Variants in SLC38A9 observed in about 807,000 individuals in gnomAD.
SLC38A9 encodes the protein solute carrier family 38 member 9.
Under a neutral mutation model 62.3 loss-of-function variants are expected in SLC38A9, and 48 were observed. The observed-to-expected ratio is 0.77, with a 90% CI of 0.61 to 0.98. The LOEUF (loss-of-function observed/expected upper bound fraction) is 0.98, where lower values mean the gene tolerates loss of function less well. Ranked by LOEUF, SLC38A9 falls within the 50% of genes least tolerant of loss-of-function variation. The probability of loss-of-function intolerance (pLI) is 0.00; values close to 1 mark genes in which losing one functional copy is unlikely to be tolerated. For missense variants in SLC38A9, 541 were observed against 679.8 expected, an observed-to-expected ratio of 0.80 and a Z score of 2.27; for synonymous variants, 204 against 227.7, an observed-to-expected ratio of 0.90 and a Z score of 0.94.
At chr5:55,711,967 C>A (rs879672638) in intron 1 of SLC38A9, among the ~76,000 whole-genome samples, 9 of 152,178 alleles carry the variant, frequency 5.9e-5, no homozygotes, top group Non-Finnish European at 8.8e-5. Flanking sequence ...TTCCTCAGAC[C>A]CCGAGGGACT....
At chr5:55,648,585 A>AC (rs1746803699) in intron 11 of SLC38A9, among the ~76,000 whole-genome samples, 1 of 152,324 alleles carries the variant, frequency 6.6e-6, no homozygotes, top group South Asian at 2.1e-4. Context: ...CATATTTGGA[A>AC]TGTGTAAAGA....
intron 3 of SLC38A9, chr5:55,673,179 T>C (rs1388497157): frequency 6.5e-6 from 1 of 154,766 alleles, no homozygotes; most frequent in African/African-American, 2.4e-5. Context: ...GGTTCATGTA[T>C]TAAGGATTAG....
intron 3 of SLC38A9, among the ~76,000 whole-genome samples, chr5:55,681,944 G>A (rs1413309571): frequency 1.3e-5 from 2 of 152,106 alleles, no homozygotes; most frequent in East Asian, 1.9e-4. Flanking sequence ...AGTTGAGTCC[G>A]TATGCCCACA....
chr5:55,704,987 A>G (rs1205178246), intron 2 of SLC38A9, among the ~76,000 whole-genome samples: 1 of 152,258 alleles, frequency 6.6e-6, no homozygotes, highest in Non-Finnish European at 1.5e-5. Context: ...TTCAACAAAC[A>G]TAGCTATCAC....
chr5:55,690,079 T>A (rs4865972), intron 3 of SLC38A9, among the ~76,000 whole-genome samples: 123,380 of 152,042 alleles, frequency 0.81, 50,124 homozygotes, highest in East Asian at 0.91. Flanking sequence ...AATGAATTTG[T>A]AAGAATAAAA....
At chr5:55,679,425 T>C (rs1489747057) in intron 3 of SLC38A9, among the ~76,000 whole-genome samples, 1 of 152,146 alleles carries the variant, frequency 6.6e-6, no homozygotes, top group Non-Finnish European at 1.5e-5. Context: ...GGCCCATGTA[T>C]TTTATTACAG....
chr5:55,644,023 C>G (rs1055406867), intron 12 of SLC38A9, among the ~76,000 whole-genome samples: 4 of 152,028 alleles, frequency 2.6e-5, no homozygotes, highest in African/African-American at 9.6e-5. Context: ...TGCAGTGGCA[C>G]GATCTCTGCT....
intron 2 of SLC38A9, among the ~76,000 whole-genome samples, chr5:55,700,441 G>T (rs906159703): frequency 6.6e-6 from 1 of 151,508 alleles, no homozygotes; most frequent in East Asian, 1.9e-4. Context: ...ATGTCCAAAG[G>T]TCCTTATGTT....
intron 10 of SLC38A9, 132 bp from the exon 11 acceptor site, chr5:55,649,446 A>T: frequency 1.9e-6 from 1 of 524,436 alleles, no homozygotes; most frequent in African/African-American, 2.0e-5. Flanking sequence ...CTCCACTAAC[A>T]CCCAGCTGGG....
chr5:55,661,318 G>A (rs867056261), intron 8 of SLC38A9, among the ~76,000 whole-genome samples: 18 of 151,834 alleles, frequency 1.2e-4, no homozygotes, highest in African/African-American at 2.9e-4. Flanking sequence ...GGTGGTGGGC[G>A]CCTGTAGTCC....
intron 3 of SLC38A9, chr5:55,696,789 CTCCT>C (rs1755880660): frequency 6.9e-6 from 1 of 143,926 alleles, no homozygotes; most frequent in Non-Finnish European, 1.5e-5. Context: ...GGTGGAGAGG[CTCCT>C]CACTTCTCAT....
At chr5:55,686,220 T>C (rs1234939846) in intron 3 of SLC38A9, among the ~76,000 whole-genome samples, 1 of 152,226 alleles carries the variant, frequency 6.6e-6, no homozygotes, top group African/African-American at 2.4e-5. Context: ...CCATAATGGC[T>C]CAACTAATTT....
chr5:55,697,619 C>T (rs1352553036), intron 3 of SLC38A9, among the ~76,000 whole-genome samples: 2 of 148,776 alleles, frequency 1.3e-5, no homozygotes, highest in African/African-American at 2.5e-5. Context: ...TAAAGTTACC[C>T]CAACCACTCC....
intron 3 of SLC38A9, among the ~76,000 whole-genome samples, chr5:55,685,011 G>T (rs977718277): frequency 2.6e-5 from 4 of 152,196 alleles, no homozygotes; most frequent in African/African-American, 9.7e-5. Context: ...TATTCTTGAG[G>T]AAATGCTGGG....
intron 3 of SLC38A9, among the ~76,000 whole-genome samples, chr5:55,689,290 C>T (rs1295678192): frequency 6.6e-6 from 1 of 152,102 alleles, no homozygotes. Flanking sequence ...TAATAGACTT[C>T]GGGGACAATT....
intron 10 of SLC38A9, among the ~76,000 whole-genome samples, chr5:55,651,245 C>CTTT (rs1561337614): frequency 3.6e-5 from 2 of 56,168 alleles, no homozygotes; most frequent in South Asian, 7.7e-4. Context: ...TTCCTTTTGC[C>CTTT]ATCTTTTTTT....
At chr5:55,704,054 G>C (rs951486475) in intron 2 of SLC38A9, 2 of 152,272 alleles carry the variant, frequency 1.3e-5, no homozygotes, top group Admixed American at 1.3e-4. Context: ...TACAGTCCCA[G>C]CTACTCAGGA....
intron 2 of SLC38A9, among the ~76,000 whole-genome samples, chr5:55,706,986 G>T (rs1332020796): frequency 6.6e-6 from 1 of 150,910 alleles, no homozygotes; most frequent in African/African-American, 2.4e-5. Context: ...CTGTCACCCA[G>T]GCTGGAGTGC....
intron 12 of SLC38A9, among the ~76,000 whole-genome samples, chr5:55,637,872 C>A (rs1744699680): frequency 6.6e-6 from 1 of 152,044 alleles, no homozygotes; most frequent in African/African-American, 2.4e-5. Context: ...CTGGTGAAAC[C>A]AATATTCAAA....
Sources: gnomAD v4.1 joint callset for allele counts (sites outside exome capture counted in the v4.1 genomes callset) on GRCh38, gnomAD v4.1.1 for gene constraint, MANE v1.5 for transcripts, NCBI Gene and HGNC (gene_info 2026-07-23, HGNC 2026-07-21) for gene names.